CTNNA3: variants seen among roughly 807,000 people sequenced by gnomAD.
The protein encoded by CTNNA3 is catenin alpha 3.
Under a neutral mutation model 95.7 loss-of-function variants are expected in CTNNA3, and 76 were observed. The ratio of observed to expected loss-of-function variants is 0.79; its 90% CI spans 0.66 to 0.96. The LOEUF is 0.96. Ranked by LOEUF, CTNNA3 falls within the 40% of genes least tolerant of loss-of-function variation. CTNNA3 has a pLI of 0.00. For synonymous variants in CTNNA3, 431 were observed against 374.4 expected, an observed-to-expected ratio of 1.15 and a Z score of -1.74; for missense variants, 1,191 against 1,089.8, an observed-to-expected ratio of 1.09 and a Z score of -1.31.
intron 5 of CTNNA3, among the ~76,000 whole-genome samples, chr10:67,379,057 A>T (rs1247193665): frequency 6.6e-6 from 1 of 152,234 alleles, no homozygotes; most frequent in Non-Finnish European, 1.5e-5. Context: ...TTTAAAAGGT[A>T]TCTAAAAATC....
chr10:66,155,319 C>T (rs529892997), intron 13 of CTNNA3, among the ~76,000 whole-genome samples: 4 of 151,694 alleles, frequency 2.6e-5, no homozygotes, highest in Non-Finnish European at 5.9e-5. Context: ...AGACACTTGG[C>T]GAGAGATACA....
intron 3 of CTNNA3, among the ~76,000 whole-genome samples, chr10:67,560,361 C>A (rs548374239): frequency 1.3e-5 from 2 of 151,770 alleles, no homozygotes; most frequent in East Asian, 1.9e-4. Context: ...GAATTTTCAA[C>A]CCAGAATTTC....
intron 5 of CTNNA3, among the ~76,000 whole-genome samples, chr10:67,281,977 C>T (rs921534420): frequency 6.6e-6 from 1 of 152,040 alleles, no homozygotes; most frequent in South Asian, 2.1e-4. Context: ...ATGATAGGTC[C>T]ATATGACAAC....
chr10:66,181,054 T>C (rs1386093677), intron 13 of CTNNA3, among the ~76,000 whole-genome samples: 1 of 152,140 alleles, frequency 6.6e-6, no homozygotes, highest in Non-Finnish European at 1.5e-5. Context: ...TAAGAAAATT[T>C]ATATTCAGGG....
chr10:67,424,462 G>T (rs562737689), intron 5 of CTNNA3, among the ~76,000 whole-genome samples: 1 of 152,030 alleles, frequency 6.6e-6, no homozygotes, highest in South Asian at 2.1e-4. Context: ...AATTTCAATA[G>T]AAAATAAATA....
At chr10:66,017,163 A>T (rs2079110177) in intron 15 of CTNNA3, among the ~76,000 whole-genome samples, 1 of 152,176 alleles carries the variant, frequency 6.6e-6, no homozygotes, top group Non-Finnish European at 1.5e-5. Context: ...GAACAAACTA[A>T]TCATTACAAT....
intron 5 of CTNNA3, among the ~76,000 whole-genome samples, chr10:67,318,597 C>A (rs1341267117): frequency 6.6e-6 from 1 of 152,238 alleles, no homozygotes; most frequent in African/African-American, 2.4e-5. Flanking sequence ...TCCATGTTCA[C>A]TCTGCTCCAG....
intron 11 of CTNNA3, among the ~76,000 whole-genome samples, chr10:66,418,149 A>C (rs977974329): frequency 1.3e-5 from 2 of 151,560 alleles, no homozygotes; most frequent in African/African-American, 4.8e-5. Flanking sequence ...CTAACAAAGA[A>C]AAGAGAAGAC....
intron 2 of CTNNA3, among the ~76,000 whole-genome samples, chr10:67,624,217 A>C (rs1457276795): frequency 6.6e-6 from 1 of 152,194 alleles, no homozygotes; most frequent in African/African-American, 2.4e-5. Context: ...GACTCGCCAA[A>C]GAAAAAAATA....
chr10:67,130,939 A>G (rs1859970723), intron 7 of CTNNA3, among the ~76,000 whole-genome samples: 1 of 151,860 alleles, frequency 6.6e-6, no homozygotes, highest in Admixed American at 6.6e-5. Context: ...GTCATTCAAG[A>G]AGGTGAGGAA....
chr10:66,131,515 A>G (rs1437851843), intron 13 of CTNNA3, among the ~76,000 whole-genome samples: 1 of 152,202 alleles, frequency 6.6e-6, no homozygotes, highest in Non-Finnish European at 1.5e-5. Context: ...CTATCAAACT[A>G]CCAATGACAT....
intron 5 of CTNNA3, among the ~76,000 whole-genome samples, chr10:67,298,245 C>A (rs953976297): frequency 3.9e-5 from 6 of 152,200 alleles, no homozygotes; most frequent in Non-Finnish European, 7.3e-5. Context: ...ACTCAAACTG[C>A]CAGCCTTAGC....
chr10:66,425,644 T>C (rs1428719778), intron 11 of CTNNA3, among the ~76,000 whole-genome samples: 1 of 151,940 alleles, frequency 6.6e-6, no homozygotes, highest in East Asian at 1.9e-4. Flanking sequence ...TACACATTTG[T>C]AGTTTTAATG....
intron 7 of CTNNA3, among the ~76,000 whole-genome samples, chr10:67,014,485 T>G (rs909298369): frequency 2.6e-5 from 4 of 152,178 alleles, no homozygotes; most frequent in Non-Finnish European, 5.9e-5. Flanking sequence ...TTGAAATATA[T>G]TCTTCTAGAC....
chr10:67,472,314 T>C (rs1174492212), intron 5 of CTNNA3, among the ~76,000 whole-genome samples: 7 of 152,192 alleles, frequency 4.6e-5, no homozygotes, highest in Non-Finnish European at 8.8e-5. Flanking sequence ...CCCTCTTATC[T>C]GTTCTATCTT....
At chr10:66,652,112 AAAAAAAAC>A (rs779994638) in intron 9 of CTNNA3, among the ~76,000 whole-genome samples, 4 of 112,996 alleles carry the variant, frequency 3.5e-5, no homozygotes, top group African/African-American at 1.4e-4. Context: ...AAAAAAAAAA[AAAAAAAAC>A]TAAGCCCAAA....
rs1404888870 is a variant in CTNNA3 at position 67,688,236 on chromosome 10, T to A, written c.-6+7764A>T. ...GACATGTACCCGGGTTGGGCCAAAT[T>A]CCCCTCCCCCTACAGCTTGAAGGGG... On this transcript the variant is annotated intron_variant, in intron 1 of 17. Coordinates refer to ENST00000433211, the MANE Select transcript of CTNNA3 (RefSeq NM_013266.4). 2.6e-5 allele frequency among the ~76,000 whole-genome samples: 4 copies of A among 151,932 alleles called. No individual in the cohort carries two copies. In the East Asian group the frequency reaches 7.7e-4, roughly 29 times the overall value.
chr10:66,748,969 T>G (rs1186184282), intron 9 of CTNNA3, among the ~76,000 whole-genome samples: 1 of 150,638 alleles, frequency 6.6e-6, no homozygotes, highest in African/African-American at 2.4e-5. Context: ...GATCAGGAGT[T>G]CAAGACTACC....
chr10:66,301,560 C>A (rs2091863863), intron 12 of CTNNA3, among the ~76,000 whole-genome samples: 1 of 151,398 alleles, frequency 6.6e-6, no homozygotes, highest in Admixed American at 6.6e-5. Flanking sequence ...GTATGTAAAC[C>A]TGATTCAGCC....
Sources: gnomAD v4.1 joint callset for allele counts (sites outside exome capture counted in the v4.1 genomes callset) on GRCh38, gnomAD v4.1.1 for gene constraint, MANE v1.5 for transcripts, NCBI Gene and HGNC (gene_info 2026-07-23, HGNC 2026-07-21) for gene names.